The following CCBE1 variants were observed in gnomAD, a reference collection of about 807,000 sequenced individuals.
CCBE1 encodes collagen and calcium-binding EGF domain-containing protein 1.
A neutral mutation model predicts 50.0 loss-of-function variants in CCBE1; 37 were observed. The observed-to-expected ratio is 0.74, with a 90% CI of 0.57 to 0.97. CCBE1 has a LOEUF of 0.97. CCBE1 is among the 50% of genes least tolerant of loss of function. CCBE1 has a pLI of 0.00. For synonymous variants in CCBE1, 234 were observed against 203.7 expected (o/e 1.15, Z -1.27); for missense variants, 538 against 523.8 (o/e 1.03, Z -0.26).
At chr18:59,637,426 A>T (rs758719933) in intron 2 of CCBE1, among the ~76,000 whole-genome samples, 2 of 152,156 alleles carry the variant, frequency 1.3e-5, no homozygotes, top group Non-Finnish European at 2.9e-5. Flanking sequence ...GGTGTGTTAA[A>T]ATCTCAATCC....
At position 59,448,036 on chromosome 18, in the gene CCBE1, G is replaced by C. The variant is rs1451009931; in HGVS notation, c.722C>G (p.Ser241Ter). The change falls in exon 7 of 11, where the codon TCA (serine) becomes TGA (stop). Residue 241 changes from serine to a stop codon, truncating the protein, a stop_gained. Coordinates refer to ENST00000439986, the MANE Select transcript of CCBE1 (RefSeq NM_133459.4). LOFTEE classifies it high-confidence loss of function. ...AGGAGGTCCTGGAAGGTAGGTGTTT[G>C]AGGCCAGCACCTTGTCACCAGTGAT... ...KYITGDKVLASNTYLPGPPGL... is the reference protein window; with the variant it reads ...KYITGDKVLA The C allele has an allele frequency of 6.2e-7, 1 of 1,614,214 alleles. No individual in the cohort carries two copies. The highest frequency in any genetic ancestry group is 1.3e-5 in the African/African-American group (1 of 75,052).
In CCBE1 at chr18:59,693,813, T is replaced by C. The variant is rs116905138; in HGVS notation, c.212+2816A>G. 9.9e-4 allele frequency among the ~76,000 whole-genome samples: 151 copies of C among 152,026 alleles called. 2 individuals carry two copies. The East Asian group carries it at 0.023, about 23-fold the overall frequency. On this transcript the variant is annotated intron_variant, in intron 2 of 10. Transcript: ENST00000439986. ...TTTATTCCACAGCCTCAGTGAAAAT[T>C]GTTTTATTAGTGTTTCCTACACACG...
chr18:59,439,223 C>T (rs1348907633), intron 9 of CCBE1, among the ~76,000 whole-genome samples: 1 of 152,012 alleles, frequency 6.6e-6, no homozygotes, highest in Non-Finnish European at 1.5e-5. Context: ...GGAGGTGGAG[C>T]TTGCCGTGAG....
intron 2 of CCBE1, among the ~76,000 whole-genome samples, chr18:59,686,916 T>G (rs2054661881): frequency 6.6e-6 from 1 of 152,208 alleles, no homozygotes; most frequent in African/African-American, 2.4e-5. Flanking sequence ...TCATTCAGAT[T>G]TGGCCAGAAC....
intron 2 of CCBE1, among the ~76,000 whole-genome samples, chr18:59,503,887 T>C (rs1913745230): frequency 6.6e-6 from 1 of 152,184 alleles, no homozygotes; most frequent in Non-Finnish European, 1.5e-5. Flanking sequence ...ACTCTCCACC[T>C]ATGGGTACAA....
intron 2 of CCBE1, among the ~76,000 whole-genome samples, chr18:59,585,973 C>T (rs527932860): frequency 5.4e-4 from 82 of 152,160 alleles, no homozygotes; most frequent in Non-Finnish European, 1.0e-3. Context: ...GAAAAATTTG[C>T]TACAAAGTTC....
chr18:59,666,339 G>A (rs1334660693), intron 2 of CCBE1, among the ~76,000 whole-genome samples: 1 of 152,176 alleles, frequency 6.6e-6, no homozygotes, highest in African/African-American at 2.4e-5. Context: ...AGATTTGGGT[G>A]GAGACACAGC....
upstream of CCBE1, chr18:59,697,721 TGGGGAAAGC>T (rs2054833362): frequency 5.1e-6 from 1 of 197,100 alleles, no homozygotes; most frequent in South Asian, 1.0e-4. Flanking sequence ...GCGCGCAGGG[TGGGGAAAGC>T]GGGCGGTTGT....
chr18:59,512,019 T>C (rs754364542), intron 2 of CCBE1, among the ~76,000 whole-genome samples: 2 of 140,738 alleles, frequency 1.4e-5, no homozygotes, highest in Non-Finnish European at 3.2e-5. Flanking sequence ...AGTTCCTCTG[T>C]AGCCATATGA....
chr18:59,530,626 C>A (rs1915011354), intron 2 of CCBE1, among the ~76,000 whole-genome samples: 1 of 152,142 alleles, frequency 6.6e-6, no homozygotes, highest in Admixed American at 6.5e-5. Flanking sequence ...CCCAACTGTT[C>A]TGAAAAAGGC....
chr18:59,451,220 G>A (rs550426974), intron 6 of CCBE1, among the ~76,000 whole-genome samples: 57 of 151,976 alleles, frequency 3.8e-4, no homozygotes, highest in Non-Finnish European at 5.6e-4. Context: ...ACTGCTCAAC[G>A]TGGGGAGAGT....
chr18:59,639,525 A>T (rs771901763), intron 2 of CCBE1, among the ~76,000 whole-genome samples: 2 of 152,230 alleles, frequency 1.3e-5, no homozygotes, highest in Non-Finnish European at 2.9e-5. Flanking sequence ...TGACAAACCC[A>T]TAGCCAACAT....
intron 2 of CCBE1, among the ~76,000 whole-genome samples, chr18:59,553,984 G>A (rs770533359): frequency 5.9e-5 from 9 of 152,118 alleles, no homozygotes; most frequent in Admixed American, 1.3e-4. Flanking sequence ...ATCAATGTTC[G>A]AATTAATGAA....
intron 2 of CCBE1, among the ~76,000 whole-genome samples, chr18:59,509,627 T>C (rs746112737): frequency 1.3e-4 from 20 of 152,156 alleles, no homozygotes; most frequent in Non-Finnish European, 2.6e-4. Context: ...ATTTTGAATC[T>C]AGCACATGTC....
intron 2 of CCBE1, among the ~76,000 whole-genome samples, chr18:59,605,823 C>T (rs557287688): frequency 2.9e-4 from 44 of 152,206 alleles, no homozygotes; most frequent in African/African-American, 9.9e-4. Flanking sequence ...GCCAAGTGGA[C>T]GACTGCTAGG....
At chr18:59,444,863 G>C (rs1276001820) in intron 7 of CCBE1, among the ~76,000 whole-genome samples, 1 of 152,044 alleles carries the variant, frequency 6.6e-6, no homozygotes, top group Admixed American at 6.6e-5. Flanking sequence ...TTGGAGAAAT[G>C]TCTATTCAAG....
At chr18:59,661,620 AATCAATAT>A (rs1269564470) in intron 2 of CCBE1, among the ~76,000 whole-genome samples, 1 of 152,208 alleles carries the variant, frequency 6.6e-6, no homozygotes, top group Non-Finnish European at 1.5e-5. Flanking sequence ...ATTCTCAACC[AATCAATAT>A]ATAACCTTGT....
At chr18:59,572,444 T>A (rs919727059) in intron 2 of CCBE1, among the ~76,000 whole-genome samples, 1 of 152,222 alleles carries the variant, frequency 6.6e-6, no homozygotes, top group Non-Finnish European at 1.5e-5. Context: ...ATTAAAACCA[T>A]GTGAAATGGC....
intron 2 of CCBE1, among the ~76,000 whole-genome samples, chr18:59,505,259 G>A (rs1197168233): frequency 2.0e-5 from 3 of 152,130 alleles, no homozygotes; most frequent in Admixed American, 6.5e-5. Context: ...TTTGCCAAAG[G>A]ACCACATGAT....
Sources: gnomAD v4.1 joint callset for allele counts (sites outside exome capture counted in the v4.1 genomes callset) on GRCh38, gnomAD v4.1.1 for gene constraint, MANE v1.5 for transcripts, NCBI Gene and HGNC (gene_info 2026-07-23, HGNC 2026-07-21) for gene names.